The following CDK14 variants were observed in gnomAD, a reference collection of about 807,000 sequenced individuals.
The protein encoded by CDK14 is cyclin dependent kinase 14.
CDK14 carries 34 observed loss-of-function variants against 60.7 expected under a neutral mutation model. That is an observed-to-expected ratio of 0.56 (90% CI 0.43 to 0.75). The LOEUF is 0.75. Ranked by LOEUF, CDK14 falls within the 30% of genes least tolerant of loss-of-function variation. CDK14 has a pLI of 0.00. For synonymous variants in CDK14, 197 were observed against 203.7 expected, an observed-to-expected ratio of 0.97 and a Z score of 0.28; for missense variants, 482 against 564.1, an observed-to-expected ratio of 0.85 and a Z score of 1.47.
At chr7:91,165,920 C>T (rs1199494704) in intron 14 of CDK14, among the ~76,000 whole-genome samples, 1 of 152,192 alleles carries the variant, frequency 6.6e-6, no homozygotes, top group Admixed American at 6.5e-5. Flanking sequence ...TTGCAGCATA[C>T]TTGACAATTA....
At chr7:90,883,612 A>G (rs1287760819) in intron 6 of CDK14, among the ~76,000 whole-genome samples, 2 of 152,210 alleles carry the variant, frequency 1.3e-5, no homozygotes, top group Non-Finnish European at 2.9e-5. Flanking sequence ...TCCTCATAAC[A>G]AAACTGGGAA....
intron 14 of CDK14, among the ~76,000 whole-genome samples, chr7:91,135,190 C>CA (rs1251509485): frequency 7.0e-5 from 10 of 143,794 alleles, no homozygotes; most frequent in African/African-American, 1.6e-4. Flanking sequence ...CAGGGAGGAA[C>CA]AAAAAAAGAA....
intron 5 of CDK14, among the ~76,000 whole-genome samples, chr7:90,856,939 A>G (rs992454926): frequency 1.3e-5 from 2 of 152,210 alleles, no homozygotes; most frequent in African/African-American, 4.8e-5. Context: ...GAAAGAACAC[A>G]TAAGATGAAA....
intron 14 of CDK14, among the ~76,000 whole-genome samples, chr7:91,150,012 A>G (rs1441372764): frequency 6.6e-6 from 1 of 152,172 alleles, no homozygotes; most frequent in African/African-American, 2.4e-5. Flanking sequence ...CCCAGCTGCC[A>G]CGGTTACAGA....
At chr7:91,015,123 G>A (rs1277824230) in intron 10 of CDK14, among the ~76,000 whole-genome samples, 1 of 151,788 alleles carries the variant, frequency 6.6e-6, no homozygotes, top group Non-Finnish European at 1.5e-5. Context: ...TTTTTTTTCT[G>A]CTTTATATGA....
intron 2 of CDK14, among the ~76,000 whole-genome samples, chr7:90,644,405 A>G (rs1310977666): frequency 2.6e-5 from 4 of 152,220 alleles, no homozygotes; most frequent in Non-Finnish European, 4.4e-5. Context: ...CTGATGGGTA[A>G]TCTAATCATT....
intron 4 of CDK14, among the ~76,000 whole-genome samples, chr7:90,783,913 A>T (rs957655804): frequency 6.6e-6 from 1 of 151,834 alleles, no homozygotes; most frequent in Non-Finnish European, 1.5e-5. Flanking sequence ...CAGCAGTCCC[A>T]CTCCTGGGTG....
chr7:90,714,194 T>G (rs1489450155), intron 2 of CDK14, among the ~76,000 whole-genome samples: 1 of 152,032 alleles, frequency 6.6e-6, no homozygotes, highest in African/African-American at 2.4e-5. Flanking sequence ...CTGGCAGACT[T>G]TGGAAGGGTA....
intron 2 of CDK14, among the ~76,000 whole-genome samples, chr7:90,664,291 AG>A (rs1163407913): frequency 6.6e-6 from 1 of 152,218 alleles, no homozygotes; most frequent in Admixed American, 6.5e-5. Context: ...AGGAAACAAC[AG>A]GTGCTGGAGA....
chr7:90,622,639 G>A (rs550441102), intron 2 of CDK14, among the ~76,000 whole-genome samples: 1 of 152,330 alleles, frequency 6.6e-6, no homozygotes, highest in Admixed American at 6.5e-5. Context: ...CCTTCTCTAA[G>A]TGGGTAGTGG....
intron 2 of CDK14, among the ~76,000 whole-genome samples, chr7:90,638,885 C>T (rs1436453427): frequency 6.6e-6 from 1 of 151,490 alleles, no homozygotes; most frequent in African/African-American, 2.4e-5. Flanking sequence ...TTCATTTCAT[C>T]TTCCATCACT....
chr7:90,758,501 A>T (rs908562776), intron 4 of CDK14, among the ~76,000 whole-genome samples: 10 of 152,338 alleles, frequency 6.6e-5, no homozygotes, highest in African/African-American at 2.4e-4. Context: ...CCTTGAAATC[A>T]TCTTTTTACC....
chr7:91,168,169 G>A (rs1029186349), intron 14 of CDK14, among the ~76,000 whole-genome samples: 1 of 151,876 alleles, frequency 6.6e-6, no homozygotes, highest in Non-Finnish European at 1.5e-5. Context: ...TACTGAGGCA[G>A]GAGAATTGCT....
intron 14 of CDK14, among the ~76,000 whole-genome samples, chr7:91,127,301 A>T (rs1799980157): frequency 6.6e-6 from 1 of 152,186 alleles, no homozygotes; most frequent in Non-Finnish European, 1.5e-5. Flanking sequence ...TTAACTGTGG[A>T]AATGATCAGG....
At chr7:90,945,821 G>A (rs1794082956) in intron 8 of CDK14, among the ~76,000 whole-genome samples, 1 of 152,192 alleles carries the variant, frequency 6.6e-6, no homozygotes, top group African/African-American at 2.4e-5. Context: ...GTATTTCACA[G>A]ACAAAGCCAC....
chr7:91,174,309 A>C (rs1465495410), intron 14 of CDK14, among the ~76,000 whole-genome samples: 1 of 151,828 alleles, frequency 6.6e-6, no homozygotes, highest in Non-Finnish European at 1.5e-5. Flanking sequence ...CCATCTGTAC[A>C]TCACCATCAT....
intron 14 of CDK14, among the ~76,000 whole-genome samples, chr7:91,179,322 G>A (rs1801908354): frequency 7.0e-6 from 1 of 143,526 alleles, no homozygotes; most frequent in Non-Finnish European, 1.5e-5. Context: ...CATGGACACA[G>A]GAAGGGGAAT....
At chr7:91,154,023 A>G (rs991463825) in intron 14 of CDK14, among the ~76,000 whole-genome samples, 1 of 152,186 alleles carries the variant, frequency 6.6e-6, no homozygotes, top group African/African-American at 2.4e-5. Flanking sequence ...CAATGTGTAA[A>G]TATGTTCATT....
chr7:91,084,803 C>G (rs914193258), intron 12 of CDK14, among the ~76,000 whole-genome samples: 13 of 152,208 alleles, frequency 8.5e-5, no homozygotes, highest in Non-Finnish European at 1.0e-4. Flanking sequence ...GCTTTTCATC[C>G]TTTCAGATTA....
Sources: allele counts gnomAD v4.1 joint callset (sites outside exome capture counted in the v4.1 genomes callset), GRCh38; gene constraint gnomAD v4.1.1; transcripts MANE v1.5; gene names NCBI Gene and HGNC (gene_info 2026-07-23, HGNC 2026-07-21).